The following RGS8 variants were observed in gnomAD, a reference collection of about 807,000 sequenced individuals.
RGS8 encodes the protein regulator of G protein signaling 8.
A neutral mutation model predicts 21.7 loss-of-function variants in RGS8; 8 were observed. The ratio of observed to expected loss-of-function variants is 0.37; its 90% CI spans 0.22 to 0.66. The LOEUF is 0.66. Among genes scored for constraint, RGS8 ranks in the 30% least tolerant of loss-of-function variants. The pLI is 0.59. For synonymous variants in RGS8, 80 were observed against 83.6 expected, an observed-to-expected ratio of 0.96 and a Z score of 0.24; for missense variants, 157 against 217.9, an observed-to-expected ratio of 0.72 and a Z score of 1.76.
At chr1:182,747,179 C>A in the RGS8 span, among the ~76,000 whole-genome samples, 1 of 148,932 alleles carries the variant, frequency 6.7e-6, no homozygotes, top group Non-Finnish European at 1.5e-5. Flanking sequence ...GGATTACAGG[C>A]CTGAGCCACC....
the RGS8 span, among the ~76,000 whole-genome samples, chr1:182,744,329 T>G: frequency 2.0e-5 from 3 of 152,096 alleles, no homozygotes; most frequent in African/African-American, 4.8e-5. Flanking sequence ...CCCACTATGT[T>G]GCCCAGGCTG....
chr1:182,699,307 C>T, the RGS8 span, among the ~76,000 whole-genome samples: 6 of 152,246 alleles, frequency 3.9e-5, no homozygotes, highest in Admixed American at 2.0e-4. Flanking sequence ...TGGCTCGGTA[C>T]TTAGAAATCA....
chr1:182,659,409 T>A (rs1423188676), intron 5 of RGS8, among the ~76,000 whole-genome samples: 1 of 152,226 alleles, frequency 6.6e-6, no homozygotes, highest in Non-Finnish European at 1.5e-5. Flanking sequence ...AGAAGTATTA[T>A]AAAACATGTA....
At chr1:182,688,021 C>T (rs370489504), upstream of RGS8, among the ~76,000 whole-genome samples, 5 of 152,154 alleles carry the variant, frequency 3.3e-5, no homozygotes, top group South Asian at 2.1e-4. Context: ...TTTTAAACTG[C>T]GTATGTCCTA....
At chr1:182,751,441 A>G in the RGS8 span, among the ~76,000 whole-genome samples, 2 of 152,226 alleles carry the variant, frequency 1.3e-5, no homozygotes. Context: ...TTAATAAGAC[A>G]GACACAGTCC....
At chr1:182,738,638 ATATGAAG>A in the RGS8 span, among the ~76,000 whole-genome samples, 2 of 152,186 alleles carry the variant, frequency 1.3e-5, no homozygotes, top group African/African-American at 4.8e-5. Context: ...CCTGTAATTA[ATATGAAG>A]TATGGAGTCA....
chr1:182,667,788 T>TGTCTCTTTCTGACTCCCAACATTA (rs543952776), intron 3 of RGS8, among the ~76,000 whole-genome samples: 216 of 152,362 alleles, frequency 1.4e-3, no homozygotes, highest in African/African-American at 4.8e-3. Context: ...GTTACTCTAA[T>TGTCTCTTTCTGACTCCCAACATTA]GTCTCTTTCT....
At chr1:182,743,333 G>A in the RGS8 span, among the ~76,000 whole-genome samples, 1 of 152,076 alleles carries the variant, frequency 6.6e-6, no homozygotes, top group Non-Finnish European at 1.5e-5. Flanking sequence ...CCTGAAGTGG[G>A]TCATTGACTC....
At chr1:182,715,346 A>G in the RGS8 span, among the ~76,000 whole-genome samples, 1 of 152,090 alleles carries the variant, frequency 6.6e-6, no homozygotes, top group Admixed American at 6.6e-5. Context: ...GCAGGCAGTT[A>G]CTCTCACTTA....
chr1:182,672,785 T>C (rs1377736706), upstream of RGS8: 9 of 1,613,510 alleles, frequency 5.6e-6, no homozygotes, highest in Non-Finnish European at 7.6e-6. Flanking sequence ...TTTTTCTGTC[T>C]TTTCCATTTC....
At chr1:182,732,267 T>TCA in the RGS8 span, among the ~76,000 whole-genome samples, 5,515 of 133,032 alleles carry the variant, frequency 0.041, 129 homozygotes, top group Admixed American at 0.062. Context: ...TCGCTCTCTC[T>TCA]CTCATACACA....
chr1:182,662,523 A>G (rs1663641992), intron 5 of RGS8, among the ~76,000 whole-genome samples: 1 of 152,234 alleles, frequency 6.6e-6, no homozygotes, highest in African/African-American at 2.4e-5. Flanking sequence ...TCGAGAACAC[A>G]GATCTGACTA....
At chr1:182,647,164 G>GT (rs1662742574) in intron 6 of RGS8, among the ~76,000 whole-genome samples, 1 of 152,234 alleles carries the variant, frequency 6.6e-6, no homozygotes, top group South Asian at 2.1e-4. Context: ...TAAAAAGCTT[G>GT]TTTAAAGTAG....
the RGS8 span, among the ~76,000 whole-genome samples, chr1:182,690,692 T>C: frequency 6.6e-6 from 1 of 152,250 alleles, no homozygotes; most frequent in South Asian, 2.1e-4. Flanking sequence ...AAATACCTCG[T>C]GATTTGATAA....
the RGS8 span, among the ~76,000 whole-genome samples, chr1:182,743,106 A>G: frequency 6.6e-6 from 1 of 152,166 alleles, no homozygotes; most frequent in Admixed American, 6.5e-5. Flanking sequence ...TGTAATCCTC[A>G]TCATTCTGTG....
the RGS8 span, among the ~76,000 whole-genome samples, chr1:182,692,919 TA>T: frequency 6.6e-6 from 1 of 152,190 alleles, no homozygotes; most frequent in Non-Finnish European, 1.5e-5. Context: ...AATAACTGAC[TA>T]ACCATATACA....
intron 5 of RGS8, among the ~76,000 whole-genome samples, chr1:182,650,739 G>C (rs915276850): frequency 1.3e-5 from 2 of 152,188 alleles, no homozygotes; most frequent in African/African-American, 4.8e-5. Context: ...CATGTGTCCA[G>C]CGATTCGGGA....
chr1:182,716,067 T>A, the RGS8 span, among the ~76,000 whole-genome samples: 2 of 152,084 alleles, frequency 1.3e-5, no homozygotes, highest in Non-Finnish European at 2.9e-5. Context: ...ATCTCTAGAT[T>A]GCTTATAATA....
At chr1:182,720,888 TAC>T in the RGS8 span, among the ~76,000 whole-genome samples, 265 of 110,284 alleles carry the variant, frequency 2.4e-3, 4 homozygotes, top group Middle Eastern at 4.2e-3. Flanking sequence ...TGTATATATA[TAC>T]ACATATATAT....
Sources: allele counts gnomAD v4.1 joint callset (sites outside exome capture counted in the v4.1 genomes callset), GRCh38; gene constraint gnomAD v4.1.1; transcripts MANE v1.5; gene names NCBI Gene and HGNC (gene_info 2026-07-23, HGNC 2026-07-21).